The following NADSYN1 variants were observed in gnomAD, a reference collection of about 807,000 sequenced individuals.
NADSYN1 encodes the protein glutamine-dependent NAD(+) synthetase.
Under a neutral mutation model 99.3 loss-of-function variants are expected in NADSYN1, and 80 were observed. The observed-to-expected ratio is 0.81, with a 90% CI of 0.67 to 0.97. The LOEUF (loss-of-function observed/expected upper bound fraction) is 0.97. NADSYN1 is among the 50% of genes least tolerant of loss of function. NADSYN1 has a pLI of 0.00. For missense variants in NADSYN1, 859 were observed against 948.5 expected (o/e 0.91, Z 1.24); for synonymous variants, 385 against 372.1 (o/e 1.03, Z -0.40).
intron 5 of NADSYN1, among the ~76,000 whole-genome samples, chr11:71,466,109 A>G (rs1047934578): frequency 1.3e-5 from 2 of 152,178 alleles, no homozygotes; most frequent in Admixed American, 6.5e-5. Flanking sequence ...TGGGGCTTAT[A>G]TCTATCTCTA....
intron 16 of NADSYN1, among the ~76,000 whole-genome samples, chr11:71,488,167 A>G (rs1250488788): frequency 2.6e-5 from 4 of 151,750 alleles, no homozygotes; most frequent in Non-Finnish European, 5.9e-5. Context: ...GGCCTGTTGG[A>G]CACCTGTCCT....
chr11:71,498,596 A>G (rs917957403), intron 20 of NADSYN1, 68 bp downstream of exon 20: 2 of 1,555,894 alleles, frequency 1.3e-6, no homozygotes, highest in Non-Finnish European at 1.7e-6. Context: ...GGTTATTTCC[A>G]TGAAGGATTG....
At chr11:71,497,431 TC>T in intron 18 of NADSYN1, 51 bp from the exon 19 acceptor site, 1 of 1,610,426 alleles carries the variant, frequency 6.2e-7, no homozygotes, top group South Asian at 1.1e-5. Flanking sequence ...CTTTAGGCTC[TC>T]CCCCCGCTGT....
At position 71,498,425 on chromosome 11, in the gene NADSYN1, C is replaced by T. The variant is rs751363139; in HGVS notation, c.1967C>T (p.Ala656Val). 2.5e-5 allele frequency: 40 copies of T among 1,614,110 alleles called. No individual in the cohort carries two copies. The highest frequency in any genetic ancestry group is 1.4e-4 in the South Asian group (13 of 91,096). The stretch of plus-strand genomic sequence containing the variant: ...CACAAGATGACCACGCTCACACCCG[C>T]GTACCACGCCGAGAACTACAGCCCT... ...NRHKMTTLTPAYHAENYSPED... is the reference protein window; with the variant it reads ...NRHKMTTLTPVYHAENYSPED... Residue 656 changes from alanine to valine, a missense_variant, in exon 20 of 21, where the codon GCG (alanine) becomes GTG (valine). By Grantham distance (64) the Ala-to-Val change is moderately conservative (BLOSUM62 0). Transcript: ENST00000319023.
At chr11:71,483,991 T>C (rs567867305) in intron 14 of NADSYN1, among the ~76,000 whole-genome samples, 1 of 152,234 alleles carries the variant, frequency 6.6e-6, no homozygotes, top group East Asian at 1.9e-4. Flanking sequence ...TTCCACGCAA[T>C]GTCCAGAACA....
chr11:71,477,434 G>A (rs1314849279), intron 9 of NADSYN1: 13 of 1,289,570 alleles, frequency 1.0e-5, no homozygotes, highest in Non-Finnish European at 1.0e-6. Flanking sequence ...GGCATCTCCG[G>A]CCAGGTATGG....
intron 16 of NADSYN1, among the ~76,000 whole-genome samples, chr11:71,490,140 C>T (rs993918499): frequency 2.6e-5 from 4 of 152,166 alleles, no homozygotes; most frequent in African/African-American, 9.7e-5. Flanking sequence ...TGGAGAGAAT[C>T]TGTTTCCCGC....
chr11:71,487,299 G>A (rs563948189), intron 16 of NADSYN1, among the ~76,000 whole-genome samples: 1 of 152,180 alleles, frequency 6.6e-6, no homozygotes, highest in South Asian at 2.1e-4. Context: ...GGGGTGTGAC[G>A]GCTGGTGTAT....
intron 18 of NADSYN1, among the ~76,000 whole-genome samples, chr11:71,494,902 T>A (rs1289117764): frequency 1.3e-5 from 2 of 152,222 alleles, no homozygotes; most frequent in Admixed American, 6.5e-5. Context: ...CTTTCATTAC[T>A]GATTTTAGTT....
At chr11:71,494,422 G>A (rs534930829) in intron 18 of NADSYN1, among the ~76,000 whole-genome samples, 1 of 152,304 alleles carries the variant, frequency 6.6e-6, no homozygotes, top group Admixed American at 6.5e-5. Flanking sequence ...CCATCTGGAT[G>A]TGTGTAAGTG....
intron 14 of NADSYN1, 65 bp from the exon 15 acceptor site, chr11:71,484,247 C>T: frequency 1.9e-6 from 3 of 1,578,398 alleles, no homozygotes; most frequent in Non-Finnish European, 2.6e-6. Context: ...GGCTTCACCG[C>T]TCATGCGCAC....
At chr11:71,481,624 C>G in intron 12 of NADSYN1, 1 of 610,570 alleles carries the variant, frequency 1.6e-6, no homozygotes, top group East Asian at 2.7e-5. Flanking sequence ...TCAGCGGAAC[C>G]CAGCCCATCA....
chr11:71,481,987 C>T lies in NADSYN1; in HGVS notation c.1112C>T (p.Ser371Phe), dbSNP rs773674656. The T allele has an allele frequency of 8.7e-6, 14 of 1,612,358 alleles. No homozygotes were observed. The South Asian group carries it at 1.5e-4, about 18-fold the overall frequency. ...DSAATACLIYSMCCQVCEAVR... is the reference protein window; with the variant it reads ...DSAATACLIYFMCCQVCEAVR... Reference sequence around the variant, plus strand: ...GCAGCCACCGCCTGCCTCATCTACTCCATGTGCTGCCAGGTCTGCGAGGCC... The same window carrying T: ...GCAGCCACCGCCTGCCTCATCTACTTCATGTGCTGCCAGGTCTGCGAGGCC... Residue 371 changes from serine to phenylalanine, a missense_variant, in exon 13 of 21, where the codon TCC becomes TTC. Coordinates refer to ENST00000319023, the MANE Select transcript of NADSYN1 (RefSeq NM_018161.5).
chr11:71,453,394 C>T lies in NADSYN1; in HGVS notation c.85+13C>T, dbSNP rs779492168. On this transcript the variant is annotated intron_variant, in intron 1 of 20. Coordinates refer to ENST00000319023, the MANE Select transcript of NADSYN1 (RefSeq NM_018161.5). ...AGAATTTTAAAGAGTGAGTCTGGGG[C>T]GGCGGGGGCACCGGTTTGGGGTGGC... 2.6e-5 allele frequency: 42 copies of T among 1,609,554 alleles called. No homozygotes were observed. The highest frequency in any genetic ancestry group is 3.5e-5 in the Non-Finnish European group (41 of 1,177,320).
intron 1 of NADSYN1, among the ~76,000 whole-genome samples, chr11:71,454,698 G>A (rs993860007): frequency 6.6e-6 from 1 of 152,200 alleles, no homozygotes; most frequent in Non-Finnish European, 1.5e-5. Context: ...TGGCACCACT[G>A]CTGGATCGTA....
intron 5 of NADSYN1, among the ~76,000 whole-genome samples, chr11:71,468,706 G>A (rs1034091049): frequency 6.6e-6 from 1 of 152,172 alleles, no homozygotes; most frequent in Non-Finnish European, 1.5e-5. Context: ...TTAAAAGACA[G>A]AGGTCATTAT....
intron 9 of NADSYN1, among the ~76,000 whole-genome samples, 191 bp from the exon 10 acceptor site, chr11:71,478,204 G>A (rs1347140365): frequency 1.3e-5 from 2 of 152,154 alleles, no homozygotes; most frequent in Non-Finnish European, 1.5e-5. Context: ...TGGAGGTTCC[G>A]GTGGCAACAG....
In NADSYN1 at chr11:71,474,535, C is replaced by T. The variant is rs768297430; in HGVS notation, c.798+9C>T. 25 of 1,613,816 alleles carry T rather than the reference C, an allele frequency of 1.5e-5. No homozygotes were observed. In the South Asian group the frequency reaches 1.9e-4, roughly 12 times the overall value. Reference sequence around the variant, plus strand: ...TTTCTCTGGATGACGTGGTAATGAGCGGGCCTGGACATGCCTGGGGGAGGG... The same window carrying T: ...TTTCTCTGGATGACGTGGTAATGAGTGGGCCTGGACATGCCTGGGGGAGGG... On this transcript the variant is annotated intron_variant, in intron 9 of 20. Coordinates refer to ENST00000319023, the MANE Select transcript of NADSYN1 (RefSeq NM_018161.5).
intron 5 of NADSYN1, among the ~76,000 whole-genome samples, chr11:71,468,568 C>T (rs993270879): frequency 1.3e-5 from 2 of 151,950 alleles, no homozygotes; most frequent in Non-Finnish European, 2.9e-5. Context: ...GAAATAATTC[C>T]AAATAAAGCA....
Sources: gnomAD v4.1 joint callset for allele counts (sites outside exome capture counted in the v4.1 genomes callset) on GRCh38, gnomAD v4.1.1 for gene constraint, MANE v1.5 for transcripts, NCBI Gene and HGNC (gene_info 2026-07-23, HGNC 2026-07-21) for gene names.